Variants in GOLGA1 observed in about 807,000 individuals in gnomAD.
The protein encoded by GOLGA1 is golgin subfamily A member 1.
In GOLGA1, 63 loss-of-function variants were observed where a neutral mutation model predicts 119.7. The ratio of observed to expected loss-of-function variants is 0.53; its 90% CI spans 0.43 to 0.65. The LOEUF (loss-of-function observed/expected upper bound fraction) is 0.65. GOLGA1 is among the 30% of genes least tolerant of loss of function. The pLI is 0.00. For synonymous variants in GOLGA1, 318 were observed against 333.4 expected, an observed-to-expected ratio of 0.95 and a Z score of 0.50; for missense variants, 798 against 912.8, an observed-to-expected ratio of 0.87 and a Z score of 1.62.
chr9:124,929,221 T>C lies in GOLGA1; in HGVS notation c.296A>G (p.Gln99Arg). 6.3e-7 allele frequency: 1 copy of C among 1,582,712 alleles called. No individual in the cohort carries two copies. The highest frequency in any genetic ancestry group is 1.3e-5 in the African/African-American group (1 of 74,426). ...EKLEIALEKH[Q>R]DSSMRKFQEQ... The stretch of plus-strand genomic sequence containing the variant: ...AGCAGGAAAAAAATACGTACAATCC[T>C]GGTGTTTTTCTAATGCAATTTCAAG... The change falls in exon 5 of 23, where the codon CAG becomes CGG. Residue 99 changes from glutamine (Q) to arginine (R), a missense_variant. Coordinates refer to ENST00000373555, the MANE Select transcript of GOLGA1 (RefSeq NM_002077.4).
Position 124,881,246 on chromosome 9 carries a change from A to G in GOLGA1, c.2148T>C (p.Leu716=). The G allele has an allele frequency of 6.3e-7, 1 of 1,598,080 alleles. No homozygotes were observed. ...TCAGCAACACTGACACAGCTTTTAT[A>G]AGATGAAAAGCCTGAAACACAGTAA... ...MSCRESEAFH[L]IKAVSVLLNF... The change falls in exon 22 of 23, where the codon CTT becomes CTC. Residue 716 remains leucine, a synonymous_variant. Coordinates refer to ENST00000373555, the MANE Select transcript of GOLGA1 (RefSeq NM_002077.4). The surrounding 1 kb of genome is among the most constrained non-coding windows in gnomAD (Gnocchi z 4.9).
chr9:124,896,909 G>A (rs949380851), intron 15 of GOLGA1, among the ~76,000 whole-genome samples: 6 of 151,758 alleles, frequency 4.0e-5, no homozygotes, highest in African/African-American at 1.5e-4. Flanking sequence ...TCCAGCCTGG[G>A]CAACAGAGCA....
At chr9:124,904,093 TAAAAAA>T (rs11360307) in intron 12 of GOLGA1, among the ~76,000 whole-genome samples, 1 of 142,666 alleles carries the variant, frequency 7.0e-6, no homozygotes, top group East Asian at 2.0e-4. Context: ...AAAATTCTGT[TAAAAAA>T]AAAAAAGGAA....
chr9:124,910,209 G>A (rs1169170308), intron 11 of GOLGA1, among the ~76,000 whole-genome samples: 1 of 152,156 alleles, frequency 6.6e-6, no homozygotes, highest in Non-Finnish European at 1.5e-5. Context: ...GATTATAGGT[G>A]TGAGCCACCG....
intron 3 of GOLGA1, among the ~76,000 whole-genome samples, chr9:124,936,697 C>T (rs961485489): frequency 6.6e-6 from 1 of 152,160 alleles, no homozygotes; most frequent in Non-Finnish European, 1.5e-5. Context: ...GCAGTCCTTC[C>T]GCCTTAGCTT....
chr9:124,946,981 G>C lies in GOLGA1; in HGVS notation c.-156+937C>G, dbSNP rs528288729. ...CAAATATACAAATTAACAACCTCCC[G>C]TTCCTCACTAAATCCTATCCTACTT... On this transcript the variant is annotated intron_variant, in intron 1 of 4. Coordinates refer to the GOLGA1 transcript ENST00000421514. This position sits in a 1 kb window ranked among gnomAD's most constrained non-coding sequence, Gnocchi z 4.0. 1.3e-5 allele frequency: 2 copies of C among 152,080 alleles called. No individual in the cohort carries two copies. The highest frequency in any genetic ancestry group is 2.1e-4 in the South Asian group (1 of 4,832). The allele number at this position is 152,080 out of a possible 1,614,324, so 9.4% of individuals were successfully genotyped here. A position where few individuals can be genotyped will look rare whatever the true frequency, so the allele number is the denominator to read the frequency against.
chr9:124,918,269 C>A (rs542262647), intron 10 of GOLGA1, among the ~76,000 whole-genome samples: 1 of 152,330 alleles, frequency 6.6e-6, no homozygotes, highest in East Asian at 1.9e-4. Flanking sequence ...CCCTTCTAGA[C>A]TATAAGCACC....
chr9:124,947,106 G>A (rs1390781697), intron 1 of GOLGA1: 1 of 152,110 alleles, frequency 6.6e-6, no homozygotes, highest in Non-Finnish European at 1.5e-5. Context: ...AATTCAGTAT[G>A]AGGCATAAAA....
At chr9:124,903,131 G>C (rs1830144970) in intron 12 of GOLGA1, among the ~76,000 whole-genome samples, 1 of 152,132 alleles carries the variant, frequency 6.6e-6, no homozygotes, top group Non-Finnish European at 1.5e-5. Context: ...CCTTGTACAG[G>C]AACGTTCATG....
chr9:124,885,900 C>G (rs1355614155), intron 19 of GOLGA1, among the ~76,000 whole-genome samples: 1 of 152,180 alleles, frequency 6.6e-6, no homozygotes, highest in Non-Finnish European at 1.5e-5. Flanking sequence ...CTGATACCAT[C>G]TTCCAGAGAA....
At chr9:124,922,990 C>T (rs960211383) in intron 8 of GOLGA1, 105 bp downstream of exon 8, 3 of 685,072 alleles carry the variant, frequency 4.4e-6, no homozygotes, top group Non-Finnish European at 7.6e-6. Context: ...ATTAATATCA[C>T]ATATTACTGG....
At chr9:124,942,503 A>G (rs1159699794), upstream of GOLGA1, 1 of 152,292 alleles carries the variant, frequency 6.6e-6, no homozygotes, top group African/African-American at 2.4e-5. Context: ...AACATTGACA[A>G]ACTAACAAGA....
chr9:124,919,254 C>CA (rs1830515543), intron 10 of GOLGA1, among the ~76,000 whole-genome samples: 2 of 149,580 alleles, frequency 1.3e-5, no homozygotes, highest in South Asian at 2.1e-4. Context: ...GACCGTGTCT[C>CA]AAAAAAAAGA....
chr9:124,932,294 TTCCCATTGTA>T (rs918480072), intron 3 of GOLGA1, among the ~76,000 whole-genome samples: 3 of 152,220 alleles, frequency 2.0e-5, no homozygotes, highest in African/African-American at 7.2e-5. Context: ...TTAATCATGT[TTCCCATTGTA>T]TCCCCAAAAT....
intron 15 of GOLGA1, 48 bp from the exon 16 acceptor site, chr9:124,890,526 T>C (rs774953646): frequency 1.1e-4 from 148 of 1,383,480 alleles, no homozygotes; most frequent in Non-Finnish European, 1.5e-4. Context: ...TCACAGTTTT[T>C]TAGCTGTATG....
chr9:124,888,786 G>A lies in GOLGA1; in HGVS notation c.1761+357C>T, dbSNP rs980705743. On this transcript the variant is annotated intron_variant, in intron 18 of 22. Transcript: ENST00000373555. The surrounding 1 kb of genome is among the most constrained non-coding windows in gnomAD (Gnocchi z 4.4). ...CGCAATCTCGGCTCCACCAAGCTCC[G>A]CCTCCCGGGTTCACATCATTCTCCT... Among the ~76,000 whole-genome samples, 2 of 152,098 alleles carry A rather than the reference G, an allele frequency of 1.3e-5. No individual in the cohort carries two copies. The highest frequency in any genetic ancestry group is 2.9e-5 in the Non-Finnish European group (2 of 68,006).
chr9:124,879,767 T>C lies in GOLGA1; in HGVS notation c.*763A>G, dbSNP rs1829530775. On this transcript the variant is annotated 3_prime_UTR_variant, in exon 23 of 23. Transcript: ENST00000373555. ...AGTACAGAAGACATGTTTATAGTAG[T>C]GAAGAACTTCAGCTATAAAAAATAG... 6.6e-6 allele frequency: 1 copy of C among 152,568 alleles called. No individual in the cohort carries two copies. The allele number at this position is 152,568 out of a possible 1,614,324, so 9.5% of individuals were successfully genotyped here.
intron 4 of GOLGA1, 109 bp from the exon 5 acceptor site, chr9:124,929,399 A>G: frequency 1.3e-6 from 1 of 744,636 alleles, no homozygotes; most frequent in Non-Finnish European, 2.4e-6. Flanking sequence ...TAACCTGAAA[A>G]CCATTCCTGT....
At position 124,881,875 on chromosome 9, in the gene GOLGA1, G is replaced by A. The variant is rs761222606; in HGVS notation, c.2045C>T (p.Thr682Met). The A allele has an allele frequency of 1.9e-5, 31 of 1,611,616 alleles. No individual in the cohort carries two copies. The highest frequency in any genetic ancestry group is 3.3e-5 in the Admixed American group (2 of 59,906). ...PEMANMAPSV[T>M]NNTDLTDARE... ...GGCATCTGTCAGGTCAGTGTTATTC[G>A]TGACGGAAGGCGCCATGTTTGCCAT... The change falls in exon 21 of 23, where the codon ACG (threonine) becomes ATG (methionine). Residue 682 changes from threonine to methionine, a missense_variant. Physicochemically the swap from Thr to Met is moderately conservative, Grantham distance 81. Coordinates refer to ENST00000373555, the MANE Select transcript of GOLGA1 (RefSeq NM_002077.4). The surrounding 1 kb of genome is among the most constrained non-coding windows in gnomAD (Gnocchi z 4.9).
Sources: gnomAD v4.1 joint callset for allele counts (sites outside exome capture counted in the v4.1 genomes callset) on GRCh38, gnomAD v4.1.1 for gene constraint, Gnocchi (gnomAD v3.1) non-coding constraint, MANE v1.5 for transcripts, NCBI Gene and HGNC (gene_info 2026-07-23, HGNC 2026-07-21) for gene names.